Variants in RIC1 observed in about 807,000 individuals in gnomAD.
The protein encoded by RIC1 is RIC1 partner of RAB6A GEF complex.
In RIC1, 88 loss-of-function variants were observed where a neutral mutation model predicts 169.0. The ratio of observed to expected loss-of-function variants is 0.52; its 90% CI spans 0.44 to 0.62. RIC1 has a LOEUF of 0.62. RIC1 is among the 20% of genes least tolerant of loss of function. The pLI is 0.00. For synonymous variants in RIC1, 790 were observed against 601.5 expected (o/e 1.31, Z -4.59); for missense variants, 1,877 against 1,725.5 (o/e 1.09, Z -1.56).
downstream of RIC1, among the ~76,000 whole-genome samples, chr9:5,778,088 G>A (rs1407408498): frequency 6.6e-6 from 1 of 152,172 alleles, no homozygotes; most frequent in Non-Finnish European, 1.5e-5. Flanking sequence ...CCATGAACAT[G>A]AGATGTCTTT....
Position 5,732,496 on chromosome 9 carries a change from C to G in RIC1, c.812+17C>G. The G allele has an allele frequency of 1.3e-6, 2 of 1,532,572 alleles. No homozygotes were observed. Among genetic ancestry groups the G allele is most frequent in the Non-Finnish European group, 1.8e-6 (2 of 1,132,776 alleles). 94.9% of individuals were successfully genotyped at this position (1,532,572 alleles called of 1,614,324 possible). A position where few individuals can be genotyped will look rare whatever the true frequency, so the allele number is the denominator to read the frequency against. ...CTGTGTGAGGTATAATTGATGTAGGCTTTTGCATTTTTAAGAGTTGTTGCA... is the reference window on the plus strand; with the variant it reads ...CTGTGTGAGGTATAATTGATGTAGGGTTTTGCATTTTTAAGAGTTGTTGCA... On this transcript the variant is annotated intron_variant, in intron 7 of 25. Coordinates refer to ENST00000414202, the MANE Select transcript of RIC1 (RefSeq NM_020829.4).
At chr9:5,734,103 T>G (rs960730874) in intron 7 of RIC1, among the ~76,000 whole-genome samples, 1 of 147,374 alleles carries the variant, frequency 6.8e-6, no homozygotes, top group African/African-American at 2.5e-5. Context: ...ATATATATAT[T>G]TATTTTATTT....
Position 5,769,189 on chromosome 9 carries a change from G to T in RIC1, c.3357G>T (p.Leu1119=), listed in dbSNP as rs1827018960. 1 of 1,614,092 alleles carries T rather than the reference G, an allele frequency of 6.2e-7. No individual in the cohort carries two copies. The highest frequency in any genetic ancestry group is 8.5e-7 in the Non-Finnish European group (1 of 1,179,970). The change falls in exon 22 of 26, where the codon CTG becomes CTT. Residue 1119 remains leucine (L), a synonymous_variant. Transcript: ENST00000414202. ...IALKRLHKDF[L]WPLPIIPASS... ...TGAAGAGACTCCACAAAGATTTCCT[G>T]TGGCCACTTCCAATCATCCCAGCCT...
At chr9:5,656,807 T>C (rs1010042899) in intron 2 of RIC1, 117 bp downstream of exon 2, 9 of 613,814 alleles carry the variant, frequency 1.5e-5, no homozygotes, top group Admixed American at 1.4e-4. Flanking sequence ...ATTTATTTTA[T>C]TCTGATAGGA....
chr9:5,738,320 CT>C, intron 7 of RIC1, 129 bp from the exon 8 acceptor site: 1 of 638,584 alleles, frequency 1.6e-6, no homozygotes, highest in Non-Finnish European at 2.7e-6. Flanking sequence ...TATGAGATGA[CT>C]GCAACTTATT....
At chr9:5,758,824 A>T (rs1034791427) in intron 17 of RIC1, among the ~76,000 whole-genome samples, 1 of 144,984 alleles carries the variant, frequency 6.9e-6, no homozygotes, top group Non-Finnish European at 1.5e-5. Flanking sequence ...GGCTCAGTGC[A>T]ACCTCTGCCT....
At position 5,682,814 on chromosome 9, in the gene RIC1, A is replaced by G. The variant is rs548796059; in HGVS notation, c.253-7145A>G. ...GGTCAGGTACACCAATCAGACATAG[A>G]TTTTGTCTTTTCACATAGTCCTATA... On this transcript the variant is annotated intron_variant, in intron 2 of 25. Transcript: ENST00000414202. Among the ~76,000 whole-genome samples the G allele has an allele frequency of 2.0e-5, 3 of 152,084 alleles. No homozygotes were observed. In the South Asian group the frequency reaches 6.2e-4, roughly 32 times the overall value.
chr9:5,723,870 G>C (rs966970457), intron 6 of RIC1, among the ~76,000 whole-genome samples: 1 of 152,216 alleles, frequency 6.6e-6, no homozygotes, highest in African/African-American at 2.4e-5. Flanking sequence ...GATGGTTGTA[G>C]ATGTGTGGTA....
At chr9:5,755,855 G>A (rs1043911010) in intron 15 of RIC1, among the ~76,000 whole-genome samples, 9 of 152,148 alleles carry the variant, frequency 5.9e-5, no homozygotes, top group East Asian at 3.9e-4. Context: ...CCCGGAAGGC[G>A]GAGGGTGCAG....
intron 3 of RIC1, among the ~76,000 whole-genome samples, chr9:5,693,821 G>A (rs906705377): frequency 6.6e-6 from 1 of 151,706 alleles, no homozygotes; most frequent in African/African-American, 2.4e-5. Flanking sequence ...TGAGAGCAGA[G>A]ATTTTTTTCC....
intron 4 of RIC1, 62 bp downstream of exon 4, chr9:5,714,065 C>CCCAT: frequency 9.8e-7 from 1 of 1,017,316 alleles, no homozygotes; most frequent in East Asian, 2.5e-5. Flanking sequence ...GTTCGTAAAT[C>CCCAT]CCATGACCAA....
At chr9:5,744,010 C>G (rs1825236545) in intron 10 of RIC1, among the ~76,000 whole-genome samples, 1 of 150,900 alleles carries the variant, frequency 6.6e-6, no homozygotes, top group Non-Finnish European at 1.5e-5. Flanking sequence ...CCATGTTGCC[C>G]AGGCTGGCCC....
In RIC1 at chr9:5,683,946, G is replaced by C. The variant is rs576483741; in HGVS notation, c.253-6013G>C. 1.3e-4 allele frequency among the ~76,000 whole-genome samples: 20 copies of C among 152,348 alleles called. No individual in the cohort carries two copies. In the East Asian group the frequency reaches 2.7e-3, roughly 21 times the overall value. The stretch of plus-strand genomic sequence containing the variant: ...CGTGGGCATAGGACCCTCCGAGCCA[G>C]GTGCGGGATATAATCTCCTGGTATG... On this transcript the variant is annotated intron_variant, in intron 2 of 25. Transcript: ENST00000414202.
At chr9:5,665,071 C>G (rs1465663645) in intron 2 of RIC1, among the ~76,000 whole-genome samples, 1 of 152,076 alleles carries the variant, frequency 6.6e-6, no homozygotes, top group Non-Finnish European at 1.5e-5. Context: ...TCCCTAAGAA[C>G]TTGCTTTGTG....
intron 1 of RIC1, among the ~76,000 whole-genome samples, chr9:5,654,778 C>A (rs144151908): frequency 6.6e-6 from 1 of 152,182 alleles, no homozygotes; most frequent in Non-Finnish European, 1.5e-5. Context: ...GTCTTGAACT[C>A]CTGACCTTAA....
intron 6 of RIC1, among the ~76,000 whole-genome samples, chr9:5,726,003 G>A (rs1017930280): frequency 1.3e-5 from 2 of 152,214 alleles, no homozygotes; most frequent in Non-Finnish European, 2.9e-5. Flanking sequence ...TAAGTGTGAT[G>A]TGGTGCTGAG....
chr9:5,721,403 A>G (rs1782964693), intron 6 of RIC1, among the ~76,000 whole-genome samples: 1 of 152,192 alleles, frequency 6.6e-6, no homozygotes, highest in African/African-American at 2.4e-5. Context: ...TCCTGCTAAC[A>G]GGCTCCCACT....
At chr9:5,746,824 T>A (rs956676300) in intron 11 of RIC1, among the ~76,000 whole-genome samples, 1 of 152,118 alleles carries the variant, frequency 6.6e-6, no homozygotes, top group Non-Finnish European at 1.5e-5. Context: ...TAATTAAAAT[T>A]TACGAACATC....
At chr9:5,765,284 CTTA>C (rs1218569801) in intron 19 of RIC1, 127 bp from the exon 20 acceptor site, 6 of 924,072 alleles carry the variant, frequency 6.5e-6, no homozygotes, top group African/African-American at 5.0e-5. Flanking sequence ...ACTTTTTAAT[CTTA>C]TTATTAAACT....
Sources: allele counts gnomAD v4.1 joint callset (sites outside exome capture counted in the v4.1 genomes callset), GRCh38; gene constraint gnomAD v4.1.1; transcripts MANE v1.5; gene names NCBI Gene and HGNC (gene_info 2026-07-23, HGNC 2026-07-21).